Variants in KIAA0753 observed in about 807,000 individuals in gnomAD.
The protein encoded by KIAA0753 is protein moonraker.
In KIAA0753, 114 loss-of-function variants were observed where a neutral mutation model predicts 116.9. That is an observed-to-expected ratio of 0.98 (90% CI 0.84 to 1.14). The LOEUF is 1.14. Ranked by LOEUF, KIAA0753 falls within the 50% of genes most tolerant of loss-of-function variation. The pLI, the probability that KIAA0753 is intolerant of heterozygous loss-of-function variation, is 0.00. For synonymous variants in KIAA0753, 405 were observed against 413.1 expected (o/e 0.98, Z 0.24); for missense variants, 1,156 against 1,172.4 (o/e 0.99, Z 0.20).
chr17:6,615,001 GT>G (rs1316424705), intron 7 of KIAA0753, among the ~76,000 whole-genome samples: 1 of 152,120 alleles, frequency 6.6e-6, no homozygotes, highest in African/African-American at 2.4e-5. Flanking sequence ...GTTTCACCAT[GT>G]TGGCCAGGCT....
At chr17:6,620,296 A>G (rs984224518) in intron 7 of KIAA0753, among the ~76,000 whole-genome samples, 7 of 152,160 alleles carry the variant, frequency 4.6e-5, no homozygotes, top group African/African-American at 1.4e-4. Flanking sequence ...ACTTCTAGTC[A>G]AGACATAAAT....
chr17:6,590,855 G>C (rs1041305967), intron 16 of KIAA0753, among the ~76,000 whole-genome samples: 1 of 152,054 alleles, frequency 6.6e-6, no homozygotes, highest in African/African-American at 2.4e-5. Context: ...TAATGAACTT[G>C]CTCTGAGGAA....
At chr17:6,635,991 G>A (rs923066731) in intron 1 of KIAA0753, 3 of 152,144 alleles carry the variant, frequency 2.0e-5, no homozygotes, top group Non-Finnish European at 2.9e-5. Flanking sequence ...ATTACAAAGT[G>A]CTCTGAGCAT....
intron 18 of KIAA0753, among the ~76,000 whole-genome samples, chr17:6,582,967 GTTTCATACAGCCAATATTCAC>G (rs1216603098): frequency 1.6e-4 from 24 of 152,218 alleles, no homozygotes; most frequent in Middle Eastern, 3.4e-3. Flanking sequence ...CATCAGTATT[GTTTCATACAGCCAATATTCAC>G]TTTAACCTAC....
intron 16 of KIAA0753, among the ~76,000 whole-genome samples, chr17:6,592,569 A>G (rs147527248): frequency 1.1e-3 from 166 of 152,352 alleles, no homozygotes; most frequent in African/African-American, 3.8e-3. Flanking sequence ...GAGAAAATCA[A>G]AAGTCTTTTC....
At chr17:6,594,308 T>C (rs1484739045) in intron 16 of KIAA0753, among the ~76,000 whole-genome samples, 1 of 147,364 alleles carries the variant, frequency 6.8e-6, no homozygotes, top group Admixed American at 6.7e-5. Context: ...GGAGAATAAA[T>C]TTGTGCTTTA....
chr17:6,633,101 GA>G (rs890066340), intron 2 of KIAA0753, among the ~76,000 whole-genome samples: 2 of 151,922 alleles, frequency 1.3e-5, no homozygotes, highest in Admixed American at 1.3e-4. Flanking sequence ...TTATTTTCAG[GA>G]AAAAAATACT....
intron 4 of KIAA0753, chr17:6,623,921 A>G (rs1971492021): frequency 5.5e-6 from 1 of 181,624 alleles, no homozygotes. Flanking sequence ...AGTTACAGAG[A>G]GCCACTAAAG....
chr17:6,600,298 G>A, intron 13 of KIAA0753, 82 bp downstream of exon 13: 2 of 1,049,792 alleles, frequency 1.9e-6, no homozygotes, highest in Non-Finnish European at 3.0e-6. Flanking sequence ...CCCTATAAAG[G>A]ATCAATGAGA....
intron 17 of KIAA0753, 43 bp from the exon 18 acceptor site, chr17:6,590,046 T>A: frequency 7.2e-7 from 1 of 1,383,032 alleles, no homozygotes; most frequent in Non-Finnish European, 9.8e-7. Context: ...AGATCATCTG[T>A]AAGCAAGACT....
chr17:6,586,270 A>G (rs77495783), intron 18 of KIAA0753, among the ~76,000 whole-genome samples: 3,261 of 152,248 alleles, frequency 0.021, 109 homozygotes, highest in African/African-American at 0.073. Context: ...GCAGAACTGT[A>G]AGCTAATGAA....
In KIAA0753 at chr17:6,624,922, A is replaced by G. The variant is rs1010317685; in HGVS notation, c.719-61T>C. The G allele has an allele frequency of 4.8e-6, 5 of 1,039,792 alleles. No homozygotes were observed. The African/African-American group carries it at 8.0e-5, about 17-fold the overall frequency. 64.4% of individuals were successfully genotyped at this position (1,039,792 alleles called of 1,614,324 possible). A position where few individuals can be genotyped will look rare whatever the true frequency, so the allele number is the denominator to read the frequency against. On this transcript the variant is annotated intron_variant, in intron 3 of 18. Transcript: ENST00000361413. ...ATAAACCATATATTAAAACTTACAAAGACTTCAATTACTTACAGAAATAAT... is the reference window on the plus strand; with the variant it reads ...ATAAACCATATATTAAAACTTACAAGGACTTCAATTACTTACAGAAATAAT...
Position 6,607,184 on chromosome 17 carries a change from T to G in KIAA0753, c.1916A>C (p.Gln639Pro). 6.2e-7 allele frequency: 1 copy of G among 1,613,048 alleles called. No individual in the cohort carries two copies. The highest frequency in any genetic ancestry group is 8.5e-7 in the Non-Finnish European group (1 of 1,178,980). ...KAKEIDSMQKQRLDWLDAETS... is the reference protein window; with the variant it reads ...KAKEIDSMQKPRLDWLDAETS... Reference sequence around the variant, plus strand: ...TAACTCAGAAGCAAATATTTACCTCTGTTTTTGCATGCTGTCAATTTCCTT... The same window carrying G: ...TAACTCAGAAGCAAATATTTACCTCGGTTTTTGCATGCTGTCAATTTCCTT... The change falls in exon 11 of 19, where the codon CAG becomes CCG. Residue 639 changes from glutamine to proline, a missense_variant. By Grantham distance (76) the Gln-to-Pro change is moderately conservative. Coordinates refer to ENST00000361413, the MANE Select transcript of KIAA0753 (RefSeq NM_014804.3).
Position 6,607,282 on chromosome 17 carries a change from T to C in KIAA0753, c.1830-12A>G. 6.2e-7 allele frequency: 1 copy of C among 1,611,710 alleles called. No homozygotes were observed. Among genetic ancestry groups the C allele is most frequent in the Non-Finnish European group, 8.5e-7 (1 of 1,178,056 alleles). Reference sequence around the variant, plus strand: ...CAAGCCAAGCGAGCCTAGCAGACAGTCAAAAGAGTCAAACCAATTCTGCCT... The same window carrying C: ...CAAGCCAAGCGAGCCTAGCAGACAGCCAAAAGAGTCAAACCAATTCTGCCT... On this transcript the variant is annotated splice_polypyrimidine_tract_variant and intron_variant, in intron 10 of 18. Coordinates refer to ENST00000361413, the MANE Select transcript of KIAA0753 (RefSeq NM_014804.3).
At chr17:6,615,600 G>A (rs868607606) in intron 7 of KIAA0753, among the ~76,000 whole-genome samples, 2 of 114,294 alleles carry the variant, frequency 1.7e-5, no homozygotes, top group African/African-American at 3.5e-5. Context: ...GGGCAACAGA[G>A]CGAGACTCCG....
At chr17:6,580,950 G>A (rs867004981) in intron 18 of KIAA0753, among the ~76,000 whole-genome samples, 14 of 150,074 alleles carry the variant, frequency 9.3e-5, no homozygotes, top group Non-Finnish European at 1.5e-4. Context: ...TCTGAACGGC[G>A]CAAGCTTCGT....
rs541454648 is a variant in KIAA0753, at chr17:6,619,959, T to A, written c.1315+829A>T. Among the ~76,000 whole-genome samples, 3 of 152,338 alleles carry A rather than the reference T, an allele frequency of 2.0e-5. No homozygotes were observed. In the South Asian group the frequency reaches 6.2e-4, roughly 32 times the overall value. ...GTTTACAATTTTAAAATGTTACAAT[T>A]AACTACAAGTTGTCATCAATTAATA... On this transcript the variant is annotated intron_variant, in intron 7 of 18. Transcript: ENST00000361413.
chr17:6,615,442 A>G (rs1970830193), intron 7 of KIAA0753, among the ~76,000 whole-genome samples: 1 of 151,824 alleles, frequency 6.6e-6, no homozygotes, highest in Non-Finnish European at 1.5e-5. Context: ...GTCCCCTTTA[A>G]GTGAAAAGGT....
intron 13 of KIAA0753, among the ~76,000 whole-genome samples, chr17:6,599,681 T>C (rs1043105646): frequency 7.2e-5 from 11 of 152,218 alleles, no homozygotes; most frequent in Admixed American, 7.2e-4. Context: ...ACTTGACTTC[T>C]AAGAGTCTTC....
Sources: allele counts gnomAD v4.1 joint callset (sites outside exome capture counted in the v4.1 genomes callset), GRCh38; gene constraint gnomAD v4.1.1; transcripts MANE v1.5; gene names NCBI Gene and HGNC (gene_info 2026-07-23, HGNC 2026-07-21).